The following KIAA1328 variants were observed in gnomAD, a reference collection of about 807,000 sequenced individuals.
KIAA1328 encodes protein hinderin.
Under a neutral mutation model 68.1 loss-of-function variants are expected in KIAA1328, and 52 were observed. The observed-to-expected ratio is 0.76, with a 90% CI of 0.61 to 0.96. KIAA1328 has a LOEUF of 0.96. Ranked by LOEUF, KIAA1328 falls within the 40% of genes least tolerant of loss-of-function variation. The pLI is 0.00. For missense variants in KIAA1328, 641 were observed against 677.6 expected, an observed-to-expected ratio of 0.95 and a Z score of 0.60; for synonymous variants, 232 against 239.4, an observed-to-expected ratio of 0.97 and a Z score of 0.28.
chr18:37,078,351 C>A (rs1374972738), intron 7 of KIAA1328, among the ~76,000 whole-genome samples: 2 of 151,788 alleles, frequency 1.3e-5, no homozygotes, highest in Non-Finnish European at 2.9e-5. Flanking sequence ...AAGACTTAAA[C>A]GTTAGACCTA....
Position 36,885,567 on chromosome 18 carries a change from GA to G in KIAA1328, c.347del (p.Lys116ArgfsTer3). ...LIKELARVSEEKEVTEERLKA... is the reference protein window; with the variant it reads ...LIKELARVSEXKEVTEERLKA... ...TTTTTTTTATTTCAGAGTAAGTGAG[GA>G]AAAGGAAGTGACAGAGGAAAGACTG... On this transcript the variant is annotated frameshift_variant, in exon 5 of 10. Coordinates refer to ENST00000280020, the MANE Select transcript of KIAA1328 (RefSeq NM_020776.3). LOFTEE classifies it high-confidence loss of function. 1.3e-6 allele frequency: 2 copies of G among 1,550,086 alleles called. No homozygotes were observed. The highest frequency in any genetic ancestry group is 2.2e-5 in the Admixed American group (1 of 46,496).
rs374702069 is a variant in KIAA1328 at position 37,084,775 on chromosome 18, G to A, written c.1232+17230G>A. Among the ~76,000 whole-genome samples, 5 of 152,282 alleles carry A rather than the reference G, an allele frequency of 3.3e-5. No individual in the cohort carries two copies. In the East Asian group the frequency reaches 7.7e-4, roughly 24 times the overall value. ...ACCTATTTCCTTGTTACAGATTCCT[G>A]TAAGTGGAATTACTAGTACAAAGTA... On this transcript the variant is annotated intron_variant, in intron 7 of 9. Transcript: ENST00000280020.
chr18:36,934,292 A>AT (rs1258165766), intron 5 of KIAA1328, among the ~76,000 whole-genome samples: 1 of 151,472 alleles, frequency 6.6e-6, no homozygotes, highest in African/African-American at 2.4e-5. Context: ...TTTACTCCAT[A>AT]TTTTTTTCAT....
chr18:37,188,915 G>A (rs1207397935), intron 9 of KIAA1328, among the ~76,000 whole-genome samples: 2 of 152,078 alleles, frequency 1.3e-5, no homozygotes, highest in African/African-American at 4.8e-5. Context: ...ATTCTTTTAT[G>A]CTCTCTCTGC....
At chr18:37,183,347 C>T (rs532170985) in intron 9 of KIAA1328, among the ~76,000 whole-genome samples, 2 of 152,124 alleles carry the variant, frequency 1.3e-5, no homozygotes, top group Non-Finnish European at 2.9e-5. Context: ...TTAAAAAATA[C>T]TTATTTCTAG....
chr18:37,204,400 T>G (rs183410728), intron 9 of KIAA1328, among the ~76,000 whole-genome samples: 1 of 152,364 alleles, frequency 6.6e-6, no homozygotes, highest in African/African-American at 2.4e-5. Flanking sequence ...CTCATTTATT[T>G]ATAAGTCAAT....
At chr18:36,836,894 C>T (rs1317846023) in intron 3 of KIAA1328, among the ~76,000 whole-genome samples, 1 of 152,000 alleles carries the variant, frequency 6.6e-6, no homozygotes, top group African/African-American at 2.4e-5. Flanking sequence ...TAATATGTGG[C>T]CTTTTGTGAC....
intron 6 of KIAA1328, among the ~76,000 whole-genome samples, chr18:36,978,562 T>C (rs1414684758): frequency 6.6e-6 from 1 of 152,224 alleles, no homozygotes; most frequent in African/African-American, 2.4e-5. Context: ...GACTTGGAAC[T>C]TTTAACACAT....
At chr18:37,198,294 A>G (rs1282703353) in intron 9 of KIAA1328, among the ~76,000 whole-genome samples, 3 of 152,174 alleles carry the variant, frequency 2.0e-5, no homozygotes, top group Admixed American at 1.3e-4. Flanking sequence ...ACTAAAAATC[A>G]CCAAGCTGCA....
At chr18:37,161,629 G>A (rs2059281058) in intron 8 of KIAA1328, among the ~76,000 whole-genome samples, 1 of 152,184 alleles carries the variant, frequency 6.6e-6, no homozygotes, top group South Asian at 2.1e-4. Context: ...CAGTCCTTCA[G>A]AAATGGAAAA....
At chr18:36,904,046 T>C (rs1239696695) in intron 5 of KIAA1328, among the ~76,000 whole-genome samples, 2 of 152,136 alleles carry the variant, frequency 1.3e-5, no homozygotes, top group African/African-American at 2.4e-5. Context: ...GTAAAAGACA[T>C]GGGCAGTAGA....
chr18:36,858,685 T>A (rs1345717965), intron 4 of KIAA1328, among the ~76,000 whole-genome samples: 2 of 152,198 alleles, frequency 1.3e-5, no homozygotes, highest in Non-Finnish European at 2.9e-5. Context: ...TTGACACTTT[T>A]GAAAAATACT....
Position 37,224,061 on chromosome 18 carries a change from G to C in KIAA1328, c.*1834G>C, listed in dbSNP as rs1024663804. 4 of 985,184 alleles carry C rather than the reference G, an allele frequency of 4.1e-6. No homozygotes were observed. The African/African-American group carries it at 5.2e-5, about 13-fold the overall frequency. The allele number at this position is 985,184 out of a possible 1,614,324, so 61.0% of individuals were successfully genotyped here. On this transcript the variant is annotated 3_prime_UTR_variant, in exon 10 of 10. Coordinates refer to ENST00000280020, the MANE Select transcript of KIAA1328 (RefSeq NM_020776.3). ...TTTCTGTGGTATGGCAGAAATGGGT[G>C]GATGGCAAACTAAGAGCCCTCAGCC...
At chr18:37,149,696 C>A (rs1039880290) in intron 7 of KIAA1328, among the ~76,000 whole-genome samples, 1 of 152,096 alleles carries the variant, frequency 6.6e-6, no homozygotes, top group Non-Finnish European at 1.5e-5. Context: ...TATATTTGGT[C>A]AATTGTTGAC....
chr18:37,003,364 C>T lies in KIAA1328; in HGVS notation c.576+43929C>T, dbSNP rs1310829283. 2.0e-5 allele frequency among the ~76,000 whole-genome samples: 3 copies of T among 152,010 alleles called. No individual in the cohort carries two copies. In the East Asian group the frequency reaches 5.8e-4, roughly 29 times the overall value. On this transcript the variant is annotated intron_variant, in intron 6 of 9. Coordinates refer to ENST00000280020, the MANE Select transcript of KIAA1328 (RefSeq NM_020776.3). The stretch of plus-strand genomic sequence containing the variant: ...ATAGGACTTAAACTAAAAACCTGCA[C>T]GGCACTAAAGAAGTAATCAACAGAG...
intron 7 of KIAA1328, among the ~76,000 whole-genome samples, chr18:37,134,787 T>C (rs1217178528): frequency 1.3e-5 from 2 of 152,156 alleles, no homozygotes; most frequent in East Asian, 1.9e-4. Context: ...AGGTTTGGGG[T>C]ACAAATGACC....
intron 7 of KIAA1328, among the ~76,000 whole-genome samples, chr18:37,113,680 G>A (rs532582961): frequency 2.6e-5 from 4 of 152,234 alleles, no homozygotes; most frequent in Non-Finnish European, 4.4e-5. Flanking sequence ...AATGTAAATG[G>A]GCTAAATGCT....
intron 6 of KIAA1328, among the ~76,000 whole-genome samples, chr18:36,989,914 C>T (rs1415657969): frequency 6.6e-6 from 1 of 152,030 alleles, no homozygotes; most frequent in African/African-American, 2.4e-5. Flanking sequence ...AGGATGGTCT[C>T]GATCTCCTGA....
intron 9 of KIAA1328, among the ~76,000 whole-genome samples, chr18:37,178,216 C>G (rs556348403): frequency 2.0e-5 from 3 of 152,246 alleles, no homozygotes; most frequent in African/African-American, 7.2e-5. Flanking sequence ...CCACCTCCCA[C>G]TCTTCCTAGC....
Sources: allele counts gnomAD v4.1 joint callset (sites outside exome capture counted in the v4.1 genomes callset), GRCh38; gene constraint gnomAD v4.1.1; transcripts MANE v1.5; gene names NCBI Gene and HGNC (gene_info 2026-07-23, HGNC 2026-07-21).